Variants in CSGALNACT1 observed in about 807,000 individuals in gnomAD.
CSGALNACT1 encodes the protein beta4GalNAcT-1.
Under a neutral mutation model 51.0 loss-of-function variants are expected in CSGALNACT1, and 52 were observed. The ratio of observed to expected loss-of-function variants is 1.02; its 90% confidence interval spans 0.82 to 1.29. The LOEUF (loss-of-function observed/expected upper bound fraction) is 1.29. Among genes scored for constraint, CSGALNACT1 ranks in the 50% most tolerant of loss-of-function variants. The probability of loss-of-function intolerance (pLI) is 0.00; values close to 1 mark genes in which losing one functional copy is unlikely to be tolerated. For missense variants in CSGALNACT1, 935 were observed against 679.2 expected (o/e 1.38, Z -4.19); for synonymous variants, 341 against 254.4 (o/e 1.34, Z -3.24).
At chr8:19,694,107 T>C (rs1014075554) in intron 1 of CSGALNACT1, among the ~76,000 whole-genome samples, 3 of 152,174 alleles carry the variant, frequency 2.0e-5, no homozygotes, top group African/African-American at 7.2e-5. Flanking sequence ...AATTATAAGA[T>C]TAAGTGAATA....
chr8:19,525,663 T>C (rs1443323381), intron 3 of CSGALNACT1, among the ~76,000 whole-genome samples: 1 of 91,132 alleles, frequency 1.1e-5, no homozygotes, highest in Non-Finnish European at 2.1e-5. Flanking sequence ...GAGCCCACCA[T>C]AAGCCTTGTG....
chr8:19,712,111 C>T (rs535085682), intron 1 of CSGALNACT1, among the ~76,000 whole-genome samples: 144 of 152,196 alleles, frequency 9.5e-4, no homozygotes, highest in African/African-American at 3.3e-3. Flanking sequence ...CTGCAAGCTC[C>T]GCCTCCCAGG....
intron 4 of CSGALNACT1, among the ~76,000 whole-genome samples, chr8:19,500,378 G>T (rs947363140): frequency 2.3e-4 from 35 of 152,088 alleles, no homozygotes; most frequent in African/African-American, 7.5e-4. Flanking sequence ...CCTTATTTCT[G>T]CACCAAGATG....
chr8:19,625,488 C>T (rs2054331211), intron 1 of CSGALNACT1, among the ~76,000 whole-genome samples: 1 of 152,184 alleles, frequency 6.6e-6, no homozygotes, highest in Non-Finnish European at 1.5e-5. Flanking sequence ...TCTCTTTTAT[C>T]ATCCCAGGTT....
chr8:19,647,967 A>G (rs2057430528), intron 1 of CSGALNACT1, among the ~76,000 whole-genome samples: 1 of 152,216 alleles, frequency 6.6e-6, no homozygotes, highest in African/African-American at 2.4e-5. Context: ...CTGCTAAGCC[A>G]AGGCACTTCA....
rs560562488 is a variant in CSGALNACT1 at position 19,665,452 on chromosome 8, G to A, written c.-544+17021C>T. On this transcript the variant is annotated intron_variant, in intron 1 of 9. Transcript: ENST00000332246. ...CGTCCGGGGCCAAAACTCAGAAGGA[G>A]TAAGAGGCAACTGCCTCAAAGGTAC... 5.3e-5 allele frequency among the ~76,000 whole-genome samples: 8 copies of A among 152,232 alleles called. No homozygotes were observed. In the South Asian group the frequency reaches 1.2e-3, roughly 24 times the overall value.
At chr8:19,549,656 C>CA (rs764757340) in intron 3 of CSGALNACT1, among the ~76,000 whole-genome samples, 2 of 83,460 alleles carry the variant, frequency 2.4e-5, no homozygotes, top group African/African-American at 9.2e-5. Flanking sequence ...CAATTTCCTA[C>CA]TTTTTTTTTT....
At chr8:19,497,055 G>C (rs555461286) in intron 4 of CSGALNACT1, among the ~76,000 whole-genome samples, 167 of 152,304 alleles carry the variant, frequency 1.1e-3, no homozygotes, top group African/African-American at 3.5e-3. Flanking sequence ...TCACCTTAGG[G>C]AACTGGTGAA....
chr8:19,525,497 G>A (rs1463187291), intron 3 of CSGALNACT1, among the ~76,000 whole-genome samples: 1 of 151,142 alleles, frequency 6.6e-6, no homozygotes, highest in Non-Finnish European at 1.5e-5. Flanking sequence ...CATGTCTATA[G>A]TCCCTGCTAC....
intron 1 of CSGALNACT1, among the ~76,000 whole-genome samples, chr8:19,666,939 GAGAAAA>G (rs2059313443): frequency 8.1e-6 from 1 of 123,052 alleles, no homozygotes; most frequent in Non-Finnish European, 1.7e-5. Context: ...CAGAGAGAGA[GAGAAAA>G]AGAAAGAAAG....
chr8:19,699,324 A>G (rs1032492188), intron 1 of CSGALNACT1, among the ~76,000 whole-genome samples: 3 of 152,244 alleles, frequency 2.0e-5, no homozygotes, highest in Non-Finnish European at 2.9e-5. Flanking sequence ...GATCTCAAAG[A>G]GATTTCTGTA....
At chr8:19,590,205 C>G (rs1588768637) in intron 3 of CSGALNACT1, among the ~76,000 whole-genome samples, 1 of 152,166 alleles carries the variant, frequency 6.6e-6, no homozygotes, top group African/African-American at 2.4e-5. Context: ...GCAAATCATC[C>G]CAGAAAATTT....
intron 1 of CSGALNACT1, among the ~76,000 whole-genome samples, chr8:19,679,809 G>A (rs1041916399): frequency 4.6e-5 from 7 of 152,042 alleles, no homozygotes; most frequent in South Asian, 2.1e-4. Flanking sequence ...CCAGAGTCCC[G>A]GCAACACTTT....
intron 1 of CSGALNACT1, among the ~76,000 whole-genome samples, chr8:19,713,657 GA>G (rs1204521120): frequency 6.6e-6 from 1 of 152,144 alleles, no homozygotes; most frequent in East Asian, 1.9e-4. Flanking sequence ...TGCAAGCCAA[GA>G]AACACCAAAG....
intron 6 of CSGALNACT1, among the ~76,000 whole-genome samples, chr8:19,424,157 G>C (rs761814230): frequency 6.6e-6 from 1 of 152,178 alleles, no homozygotes; most frequent in African/African-American, 2.4e-5. Flanking sequence ...CCTGATGAGA[G>C]AGCTGAACAT....
At chr8:19,608,052 G>A (rs926034726) in intron 1 of CSGALNACT1, among the ~76,000 whole-genome samples, 2 of 152,224 alleles carry the variant, frequency 1.3e-5, no homozygotes, top group African/African-American at 4.8e-5. Context: ...CTGATGAAGA[G>A]TAGTTAAACA....
At chr8:19,404,412 T>C (rs968849810) in exon 10 of CSGALNACT1, 1 of 453,336 alleles carries the variant, frequency 2.2e-6, no homozygotes, top group Non-Finnish European at 4.4e-6. Context: ...AAGAAACCAC[T>C]CTATGTTAAC....
intron 1 of CSGALNACT1, among the ~76,000 whole-genome samples, chr8:19,631,531 C>G (rs1370506493): frequency 6.6e-6 from 1 of 152,178 alleles, no homozygotes; most frequent in African/African-American, 2.4e-5. Flanking sequence ...TTCAGCCAAT[C>G]AAATTGGAGG....
chr8:19,419,155 T>G (rs1456103070), intron 7 of CSGALNACT1, among the ~76,000 whole-genome samples: 1 of 152,190 alleles, frequency 6.6e-6, no homozygotes, highest in African/African-American at 2.4e-5. Context: ...CTGCAGCCAC[T>G]TTTCCTTTTC....
Sources: allele counts gnomAD v4.1 joint callset (sites outside exome capture counted in the v4.1 genomes callset), GRCh38; gene constraint gnomAD v4.1.1; transcripts MANE v1.5; gene names NCBI Gene and HGNC (gene_info 2026-07-23, HGNC 2026-07-21).